Variants in WDR59 observed in about 807,000 individuals in gnomAD.
WDR59 encodes the protein GATOR2 complex protein WDR59.
WDR59 carries 100 observed loss-of-function variants against 131.2 expected under a neutral mutation model. The observed-to-expected ratio is 0.76, with a 90% confidence interval of 0.65 to 0.90. The LOEUF (loss-of-function observed/expected upper bound fraction) is 0.90, where lower values mean the gene tolerates loss of function less well. Ranked by LOEUF, WDR59 falls within the 40% of genes least tolerant of loss-of-function variation. The probability of loss-of-function intolerance (pLI) is 0.00; values close to 1 mark genes in which losing one functional copy is unlikely to be tolerated. For synonymous variants in WDR59, 601 were observed against 466.2 expected (o/e 1.29, Z -3.72); for missense variants, 1,203 against 1,262.2 (o/e 0.95, Z 0.71).
chr16:74,927,465 G>T (rs936695021), intron 8 of WDR59, among the ~76,000 whole-genome samples: 1 of 151,878 alleles, frequency 6.6e-6, no homozygotes, highest in Non-Finnish European at 1.5e-5. Context: ...GCACACGCCT[G>T]GAGTCCCAGC....
intron 25 of WDR59, among the ~76,000 whole-genome samples, chr16:74,877,776 C>A (rs1272487203): frequency 6.6e-6 from 1 of 152,184 alleles, no homozygotes; most frequent in Non-Finnish European, 1.5e-5. Context: ...AACTCCTGAC[C>A]TCAGGTGATC....
rs756934355 is a variant in WDR59, at chr16:74,945,055, C to T, written c.446-2229G>A. 4.0e-4 allele frequency among the ~76,000 whole-genome samples: 60 copies of T among 151,564 alleles called. 1 individual carries two copies. Among genetic ancestry groups the T allele is most frequent in the South Asian group, 1.0e-3 (5 of 4,782 alleles). On this transcript the variant is annotated intron_variant, in intron 6 of 25. Coordinates refer to ENST00000262144, the MANE Select transcript of WDR59 (RefSeq NM_030581.4). ...AGGAGAATCGCTTGAACCCAGGAGG[C>T]GGAGGTTGCGGTGAGCCAAGATCGT...
intron 18 of WDR59, among the ~76,000 whole-genome samples, chr16:74,898,663 T>C (rs952535132): frequency 5.3e-5 from 8 of 152,232 alleles, no homozygotes; most frequent in East Asian, 3.8e-4. Flanking sequence ...AGAGGCAACA[T>C]TGATGCCAAT....
At chr16:74,937,146 C>A (rs996724970) in intron 8 of WDR59, among the ~76,000 whole-genome samples, 2 of 152,204 alleles carry the variant, frequency 1.3e-5, no homozygotes, top group African/African-American at 4.8e-5. Context: ...GATGACTCTG[C>A]CCTGCCATCA....
chr16:74,966,609 C>T (rs1271045433), intron 1 of WDR59, among the ~76,000 whole-genome samples: 1 of 152,134 alleles, frequency 6.6e-6, no homozygotes, highest in Non-Finnish European at 1.5e-5. Context: ...CTAACCTGGA[C>T]ACCCCCACCC....
chr16:74,915,370 G>T (rs1304062400), intron 13 of WDR59: 1 of 152,446 alleles, frequency 6.6e-6, no homozygotes, highest in Non-Finnish European at 1.5e-5. Flanking sequence ...GAAAAGAATA[G>T]GGGTAGAAAG....
intron 7 of WDR59, among the ~76,000 whole-genome samples, chr16:74,941,816 T>G (rs1439485081): frequency 1.3e-5 from 2 of 152,190 alleles, no homozygotes; most frequent in Non-Finnish European, 2.9e-5. Context: ...TGGAGCCTAA[T>G]GCAGCAGACA....
At chr16:74,969,227 A>G (rs1308664777) in intron 1 of WDR59, among the ~76,000 whole-genome samples, 2 of 152,212 alleles carry the variant, frequency 1.3e-5, no homozygotes, top group African/African-American at 2.4e-5. Context: ...ATCCACTTAC[A>G]GACTAAAATT....
chr16:74,922,126 A>T (rs1189650401), intron 9 of WDR59, 23 bp from the exon 10 acceptor site: 2 of 1,613,478 alleles, frequency 1.2e-6, no homozygotes, highest in Non-Finnish European at 1.7e-6. Context: ...AGGGAAAAGC[A>T]GGTGATTAGA....
chr16:74,882,061 T>C (rs960926172), intron 25 of WDR59, among the ~76,000 whole-genome samples: 1 of 152,168 alleles, frequency 6.6e-6, no homozygotes, highest in Non-Finnish European at 1.5e-5. Context: ...CTTCATTCTC[T>C]CTGACTGCAC....
At chr16:74,877,677 T>C (rs1002769665) in intron 25 of WDR59, among the ~76,000 whole-genome samples, 4 of 152,148 alleles carry the variant, frequency 2.6e-5, no homozygotes, top group African/African-American at 9.7e-5. Flanking sequence ...CCTGAGTGGC[T>C]GGGACTACAG....
rs1965991508 is a variant in WDR59, at chr16:74,909,742, G to GA, written c.1485+79dup. 3 of 1,569,196 alleles carry GA rather than the reference G, an allele frequency of 1.9e-6. No homozygotes were observed. In the Admixed American group the frequency reaches 5.9e-5, roughly 31 times the overall value. On this transcript the variant is annotated intron_variant, in intron 15 of 25. Transcript: ENST00000262144. ...ATAAAGACCCAGTATGACAAAACCA[G>GA]AAAACCCATGATTTTAGGGAGAAAG...
intron 25 of WDR59, among the ~76,000 whole-genome samples, chr16:74,883,312 C>A (rs534796861): frequency 2.6e-5 from 4 of 152,184 alleles, no homozygotes; most frequent in Non-Finnish European, 5.9e-5. Context: ...CGTGAGTCAC[C>A]GTACCCGGCC....
chr16:74,935,455 C>T (rs1461189265), intron 8 of WDR59, among the ~76,000 whole-genome samples: 2 of 152,066 alleles, frequency 1.3e-5, no homozygotes, highest in Admixed American at 6.6e-5. Flanking sequence ...ACCTTCAACT[C>T]AATTGTTTTG....
At chr16:74,972,297 G>A (rs1165337640) in intron 1 of WDR59, among the ~76,000 whole-genome samples, 1 of 152,134 alleles carries the variant, frequency 6.6e-6, no homozygotes, top group African/African-American at 2.4e-5. Context: ...GCTAATGAAG[G>A]AAATCAATTC....
chr16:74,967,605 T>A (rs111943423), intron 1 of WDR59, among the ~76,000 whole-genome samples: 6,758 of 152,198 alleles, frequency 0.044, 202 homozygotes, highest in Middle Eastern at 0.13. Context: ...ATGCCTGTAA[T>A]CCTGGCAATT....
intron 25 of WDR59, among the ~76,000 whole-genome samples, chr16:74,875,569 C>T (rs529013893): frequency 4.7e-4 from 71 of 152,290 alleles, no homozygotes; most frequent in Non-Finnish European, 5.4e-4. Flanking sequence ...AAACCTACAC[C>T]ACTAACCCAG....
intron 1 of WDR59, among the ~76,000 whole-genome samples, chr16:74,967,875 A>C (rs1337625644): frequency 6.7e-6 from 1 of 150,038 alleles, no homozygotes; most frequent in East Asian, 2.0e-4. Flanking sequence ...AAAAAAAAAA[A>C]GATAGAAGAC....
rs2032091699 is a variant in WDR59 at position 74,940,007 on chromosome 16, T to A, written c.535-1741A>T. ...CAAAAACAAAAAACAGAGAGCAGTC[T>A]CTAGAACCAGCCTGCCTGGGTTCAA... On this transcript the variant is annotated intron_variant, in intron 7 of 25. Coordinates refer to ENST00000262144, the MANE Select transcript of WDR59 (RefSeq NM_030581.4). Among the ~76,000 whole-genome samples, 3 of 152,074 alleles carry A rather than the reference T, an allele frequency of 2.0e-5. No individual in the cohort carries two copies. The South Asian group carries it at 6.2e-4, about 31-fold the overall frequency.
Sources: allele counts gnomAD v4.1 joint callset (sites outside exome capture counted in the v4.1 genomes callset), GRCh38; gene constraint gnomAD v4.1.1; transcripts MANE v1.5; gene names NCBI Gene and HGNC (gene_info 2026-07-23, HGNC 2026-07-21).